The following MED6 variants were observed in gnomAD, a reference collection of about 807,000 sequenced individuals.
MED6 encodes the protein mediator of RNA polymerase II transcription subunit 6.
Under a neutral mutation model 37.5 loss-of-function variants are expected in MED6, and 33 were observed. The observed-to-expected ratio is 0.88, with a 90% CI of 0.67 to 1.18. The LOEUF (loss-of-function observed/expected upper bound fraction) is 1.18. Among genes scored for constraint, MED6 ranks in the 50% most tolerant of loss-of-function variants. The pLI is 0.00. For missense variants in MED6, 235 were observed against 290.6 expected (o/e 0.81, Z 1.39); for synonymous variants, 94 against 93.6 (o/e 1.00, Z -0.02).
At position 70,586,878 on chromosome 14, in the gene MED6, A is replaced by C. The variant is rs940404110; in HGVS notation, c.583-1095T>G. Among the ~76,000 whole-genome samples, 3 of 152,242 alleles carry C rather than the reference A, an allele frequency of 2.0e-5. 1 individual carries two copies. The highest frequency in any genetic ancestry group is 4.8e-5 in the African/African-American group (2 of 41,466). On this transcript the variant is annotated intron_variant, in intron 6 of 7. Transcript: ENST00000256379. ...CAGAAGGCCTGAGGCTGCTATACTT[A>C]GAAAGGCCTGCTTGCAAGGTTGGCC...
In MED6 at chr14:70,597,605, T is replaced by C. The variant is rs1208500662; in HGVS notation, c.182+13A>G. On this transcript the variant is annotated intron_variant, in intron 2 of 7. Transcript: ENST00000256379. ...GTATTTGGAAAAAGTGCCACCTTCT[T>C]AAAATAACTTACTTCAAGTGTTCTA... is the stretch of plus-strand genomic sequence containing the variant. 2 of 1,440,428 alleles carry C rather than the reference T, an allele frequency of 1.4e-6. No individual in the cohort carries two copies. The highest frequency in any genetic ancestry group is 2.9e-5 in the African/African-American group (2 of 67,800). The allele number at this position is 1,440,428 out of a possible 1,614,324, so 89.2% of individuals were successfully genotyped here.
intron 6 of MED6, among the ~76,000 whole-genome samples, chr14:70,588,409 G>A (rs536381257): frequency 5.1e-4 from 78 of 152,218 alleles, no homozygotes; most frequent in African/African-American, 1.7e-3. Flanking sequence ...GGAGGGGCCG[G>A]GCGCGGTGGC....
intron 6 of MED6, 82 bp downstream of exon 6, chr14:70,591,184 C>A: frequency 9.1e-7 from 1 of 1,093,968 alleles, no homozygotes; most frequent in South Asian, 1.4e-5. Context: ...TAGGTCACAT[C>A]TGAAACAGTT....
chr14:70,600,081 G>C (rs542200225), intron 1 of MED6, among the ~76,000 whole-genome samples: 1 of 152,138 alleles, frequency 6.6e-6, no homozygotes, highest in East Asian at 1.9e-4. Context: ...TACTTCTGCA[G>C]TTCAGCTGTG....
Position 70,584,818 on chromosome 14 carries a change from G to A in MED6, c.736C>T (p.Gln246Ter), listed in dbSNP as rs376069914. 3.7e-6 allele frequency: 6 copies of A among 1,614,034 alleles called. No homozygotes were observed. The highest frequency in any genetic ancestry group is 5.1e-6 in the Non-Finnish European group (6 of 1,179,966). ...KGPPEKRMRLQ is the reference protein window; with the variant it reads ...KGPPEKRMRL ...GCTTCTCTTTTGTCCAGTACTCACT[G>A]AAGTCTCATCCGTTTTTCAGGGGGG... Residue 246 changes from glutamine (Q) to a stop codon, truncating the protein, a stop_gained, in exon 8 of 8, where the codon CAG becomes TAG. Coordinates refer to ENST00000256379, the MANE Select transcript of MED6 (RefSeq NM_005466.4). LOFTEE classifies it high-confidence loss of function.
rs1884605448 is a variant in MED6 at position 70,583,422 on chromosome 14, T to C, written c.*1391A>G. On this transcript the variant is annotated 3_prime_UTR_variant, in exon 8 of 8. Coordinates refer to ENST00000256379, the MANE Select transcript of MED6 (RefSeq NM_005466.4). ...TGACAAAATTCAGTGGTAGCAATTCTGGAAAACCTGATACATACTTTCAAA... is the reference window on the plus strand; with the variant it reads ...TGACAAAATTCAGTGGTAGCAATTCCGGAAAACCTGATACATACTTTCAAA... 6.6e-6 allele frequency: 1 copy of C among 152,282 alleles called. No individual in the cohort carries two copies. Among genetic ancestry groups the C allele is most frequent in the Admixed American group, 6.5e-5 (1 of 15,286 alleles). 9.4% of individuals were successfully genotyped at this position (152,282 alleles called of 1,614,324 possible). A position where few individuals can be genotyped will look rare whatever the true frequency, so the allele number is the denominator to read the frequency against.
At chr14:70,586,730 C>A (rs1884719243) in intron 6 of MED6, among the ~76,000 whole-genome samples, 1 of 152,140 alleles carries the variant, frequency 6.6e-6, no homozygotes, top group Non-Finnish European at 1.5e-5. Context: ...ATTACATGTT[C>A]CAGGTTCATG....
chr14:70,591,238 C>G (rs754984816), intron 6 of MED6, 28 bp downstream of exon 6: 24 of 1,519,108 alleles, frequency 1.6e-5, no homozygotes, highest in Non-Finnish European at 2.7e-6. Context: ...AGTGTCAAAT[C>G]AAGATTAACC....
At chr14:70,600,320 C>G (rs995062660) in intron 1 of MED6, among the ~76,000 whole-genome samples, 3 of 152,066 alleles carry the variant, frequency 2.0e-5, no homozygotes, top group Admixed American at 2.0e-4. Flanking sequence ...AATAGAATAG[C>G]CCTAATGTTG....
Position 70,592,761 on chromosome 14 carries a change from T to TG in MED6, c.466+118_466+119insC, listed in dbSNP as rs1884919077. The stretch of plus-strand genomic sequence containing the variant: ...ATGAATCTCAGCTGCAACAAAGCCA[T>TG]CATCCCATGAAAAAGTGAAACACAC... On this transcript the variant is annotated intron_variant, in intron 5 of 7. Transcript: ENST00000256379. 3 of 1,093,690 alleles carry TG rather than the reference T, an allele frequency of 2.7e-6. No individual in the cohort carries two copies. In the East Asian group the frequency reaches 7.6e-5, roughly 28 times the overall value. The allele number at this position is 1,093,690 out of a possible 1,614,324, so 67.7% of individuals were successfully genotyped here. A position where few individuals can be genotyped will look rare whatever the true frequency, so the allele number is the denominator to read the frequency against.
rs767917137 is a variant in MED6, at chr14:70,592,897, T to C, written c.449A>G (p.Lys150Arg). Residue 150 changes from lysine to arginine, a missense_variant, in exon 5 of 8, where the codon AAA (lysine) becomes AGA (arginine). By Grantham distance (26) the Lys-to-Arg change is conservative (BLOSUM62 2). Transcript: ENST00000256379. ...CTACTTACCTTGCTCTTCATGATCT[T>C]TGAAGTGCCACCAATACCCTTTGGA... is the stretch of plus-strand genomic sequence containing the variant. ...HPSKGYWWHF[K>R]DHEEQDKVRP... The C allele has an allele frequency of 3.1e-6, 5 of 1,613,916 alleles. No individual in the cohort carries two copies. Among genetic ancestry groups the C allele is most frequent in the Non-Finnish European group, 4.2e-6 (5 of 1,179,874 alleles).
intron 2 of MED6, 76 bp downstream of exon 2, chr14:70,597,542 T>C: frequency 2.3e-6 from 3 of 1,292,456 alleles, no homozygotes; most frequent in Admixed American, 3.0e-5. Context: ...CTGCACTTCA[T>C]GATCCACAGT....
At chr14:70,590,400 C>CTG (rs1884833601) in intron 6 of MED6, among the ~76,000 whole-genome samples, 2 of 152,190 alleles carry the variant, frequency 1.3e-5, no homozygotes, top group African/African-American at 4.8e-5. Context: ...GTCCTGAGTT[C>CTG]CATCTTGTGT....
At chr14:70,593,113 A>C in intron 4 of MED6, 125 bp from the exon 5 acceptor site, 1 of 1,365,862 alleles carries the variant, frequency 7.3e-7, no homozygotes, top group Non-Finnish European at 1.0e-6. Flanking sequence ...TTACTATATA[A>C]TTGAGACTAT....
intron 3 of MED6, among the ~76,000 whole-genome samples, chr14:70,593,743 G>A (rs1248155353): frequency 6.6e-6 from 1 of 152,232 alleles, no homozygotes; most frequent in Admixed American, 6.5e-5. Context: ...AGTAGGGATA[G>A]TGCATTTCTA....
chr14:70,584,048 T>C lies in MED6; in HGVS notation c.*765A>G, dbSNP rs1395454903. Reference sequence around the variant, plus strand: ...CACTGTTACAGTATTTATAGGGTAATGGTATTGGTGAGTGAGGTTTTTCCT... The same window carrying C: ...CACTGTTACAGTATTTATAGGGTAACGGTATTGGTGAGTGAGGTTTTTCCT... On this transcript the variant is annotated 3_prime_UTR_variant, in exon 8 of 8. Transcript: ENST00000256379. 11 of 574,494 alleles carry C rather than the reference T, an allele frequency of 1.9e-5. No homozygotes were observed. The highest frequency in any genetic ancestry group is 3.1e-5 in the Non-Finnish European group (10 of 323,540). The allele number at this position is 574,494 out of a possible 1,614,324, so 35.6% of individuals were successfully genotyped here. A position where few individuals can be genotyped will look rare whatever the true frequency, so the allele number is the denominator to read the frequency against.
intron 1 of MED6, among the ~76,000 whole-genome samples, chr14:70,600,323 T>G (rs1885168915): frequency 6.6e-6 from 1 of 151,966 alleles, no homozygotes; most frequent in Non-Finnish European, 1.5e-5. Context: ...AGAATAGCCC[T>G]AATGTTGTTG....
chr14:70,584,874 T>C lies in MED6; in HGVS notation c.680A>G (p.Lys227Arg), dbSNP rs780192465. 11 of 1,614,072 alleles carry C rather than the reference T, an allele frequency of 6.8e-6. 1 individual carries two copies. The South Asian group carries it at 1.2e-4, about 18-fold the overall frequency. The change falls in exon 8 of 8, where the codon AAG (lysine) becomes AGG (arginine). Residue 227 changes from lysine to arginine, a missense_variant. Coordinates refer to ENST00000256379, the MANE Select transcript of MED6 (RefSeq NM_005466.4). ...AGCACTCACTGTCTGTTGTACATTC[T>C]TTGTGGTCTCCTTCTCCTCAGGTTT... ...TVKPEEKETTKNVQQTVSAKG... is the reference protein window; with the variant it reads ...TVKPEEKETTRNVQQTVSAKG...
chr14:70,597,736 G>A lies in MED6; in HGVS notation c.64C>T (p.Pro22Ser), dbSNP rs1181016668. 6.4e-7 allele frequency: 1 copy of A among 1,553,102 alleles called. No individual in the cohort carries two copies. The highest frequency in any genetic ancestry group is 8.6e-7 in the Non-Finnish European group (1 of 1,161,024). Reference protein sequence around the residue: ...GISWVDSSWIPILNSGSVLDY... With the variant: ...GISWVDSSWISILNSGSVLDY... The stretch of plus-strand genomic sequence containing the variant: ...AGGACACTACCACTGTTCAAAATAG[G>A]GATCCAAGAGCTGTCAACCCAAGAA... The change falls in exon 2 of 8, where the codon CCT becomes TCT. Residue 22 changes from proline (P) to serine (S), a missense_variant. Pro to Ser is a moderately conservative substitution (Grantham distance 74). Coordinates refer to ENST00000256379, the MANE Select transcript of MED6 (RefSeq NM_005466.4).
Sources: allele counts gnomAD v4.1 joint callset (sites outside exome capture counted in the v4.1 genomes callset), GRCh38; gene constraint gnomAD v4.1.1; transcripts MANE v1.5; gene names NCBI Gene and HGNC (gene_info 2026-07-23, HGNC 2026-07-21).